Variants in LHX6 observed in about 807,000 individuals in gnomAD.
The protein encoded by LHX6 is LIM/homeobox protein Lhx6.
LHX6 carries 15 observed loss-of-function variants against 47.1 expected under a neutral mutation model. That is an observed-to-expected ratio of 0.32 (90% CI 0.21 to 0.49). The LOEUF is 0.49. LHX6 is among the 20% of genes least tolerant of loss of function. The probability of loss-of-function intolerance (pLI) is 0.99; values close to 1 mark genes in which losing one functional copy is unlikely to be tolerated. For synonymous variants in LHX6, 242 were observed against 233.5 expected (o/e 1.04, Z -0.33); for missense variants, 404 against 539.6 (o/e 0.75, Z 2.49).
intron 4 of LHX6, among the ~76,000 whole-genome samples, chr9:122,225,124 G>T (rs182076161): frequency 3.9e-5 from 6 of 152,238 alleles, no homozygotes; most frequent in African/African-American, 1.4e-4. Context: ...GGAGGAGATC[G>T]CCTTCCACCA....
intron 4 of LHX6, chr9:122,221,602 T>A: frequency 1.0e-6 from 1 of 985,480 alleles, no homozygotes; most frequent in Non-Finnish European, 1.2e-6. Context: ...CAGTTAACCC[T>A]TTACTCCCCA....
At chr9:122,222,186 G>A (rs1345992062) in intron 4 of LHX6, among the ~76,000 whole-genome samples, 1 of 152,226 alleles carries the variant, frequency 6.6e-6, no homozygotes. Context: ...CAGCAGGCTG[G>A]GGGAGCCAGG....
At chr9:122,227,660 T>G (rs2118922269) in intron 1 of LHX6, 180 bp from the exon 2 acceptor site, 3 of 1,296,500 alleles carry the variant, frequency 2.3e-6, no homozygotes, top group Non-Finnish European at 3.0e-6. Flanking sequence ...TGAAGCAATT[T>G]GAATTTGGAT....
rs575050710 is a variant in LHX6, at chr9:122,205,490, A to T, written c.1159-710T>A. Among the ~76,000 whole-genome samples the T allele has an allele frequency of 1.9e-3, 283 of 152,284 alleles. 1 individual carries two copies. Among genetic ancestry groups the T allele is most frequent in the African/African-American group, 6.5e-3 (269 of 41,574 alleles). On this transcript the variant is annotated intron_variant, in intron 9 of 9. Transcript: ENST00000394319. ...CTTGGTTGACATCTCACTGCTGCTGACACAGCCAGTTCCCTGAAGTTCAGG... is the reference window on the plus strand; with the variant it reads ...CTTGGTTGACATCTCACTGCTGCTGTCACAGCCAGTTCCCTGAAGTTCAGG...
In LHX6 at chr9:122,228,954, C is replaced by G. The variant is rs180906199; in HGVS notation, c.-214G>C. 5 of 181,102 alleles carry G rather than the reference C, an allele frequency of 2.8e-5. No individual in the cohort carries two copies. Among genetic ancestry groups the G allele is most frequent in the South Asian group, 1.7e-4 (1 of 5,920 alleles). 11.2% of individuals were successfully genotyped at this position (181,102 alleles called of 1,614,324 possible). ...CCGCCGCTGCCTCGGAAGAAGGTCC[C>G]GACAAACTTGGAGAGGCCCCCGCCC... On this transcript the variant is annotated 5_prime_UTR_variant, in exon 1 of 10. Transcript: ENST00000394319.
intron 4 of LHX6, among the ~76,000 whole-genome samples, chr9:122,224,016 T>G (rs543547874): frequency 2.0e-5 from 3 of 152,136 alleles, no homozygotes; most frequent in Non-Finnish European, 4.4e-5. Flanking sequence ...ATCTGGCATG[T>G]TTTTTTGTAT....
rs923174945 is a variant in LHX6 at position 122,228,767 on chromosome 9, G to A, written c.-27C>T. ...GGCCGGGGAACCTCGGGCTCAGCGG[G>A]CGCGCAGCGCGGAGAGCTGCGCCGA... On this transcript the variant is annotated 5_prime_UTR_variant, in exon 1 of 10. Coordinates refer to ENST00000394319, the MANE Select transcript of LHX6 (RefSeq NM_014368.5). The A allele has an allele frequency of 8.9e-6, 11 of 1,235,296 alleles. No homozygotes were observed. The highest frequency in any genetic ancestry group is 1.1e-5 in the Non-Finnish European group (11 of 984,952). The allele number at this position is 1,235,296 out of a possible 1,614,324, so 76.5% of individuals were successfully genotyped here.
Position 122,213,633 on chromosome 9 carries a change from T to G in LHX6, c.1027A>C (p.Met343Leu), listed in dbSNP as rs780731428. The stretch of plus-strand genomic sequence containing the variant: ...TCAATGTAGCCGTGCAGGGTGACCA[T>G]GCGCGCCCGCTCGGGGCTGCTGAAC... ...TPFSSPERARMVTLHGYIESQ... is the reference protein window; with the variant it reads ...TPFSSPERARLVTLHGYIESQ... Residue 343 changes from methionine (M) to leucine (L), a missense_variant, in exon 8 of 10, where the codon ATG (methionine) becomes CTG (leucine). Met to Leu is a conservative substitution (Grantham distance 15). Transcript: ENST00000394319. This position sits in a 1 kb window ranked among gnomAD's most constrained non-coding sequence, Gnocchi z 5.5. The G allele has an allele frequency of 6.2e-7, 1 of 1,606,468 alleles. No individual in the cohort carries two copies. The highest frequency in any genetic ancestry group is 8.5e-7 in the Non-Finnish European group (1 of 1,176,944).
At chr9:122,212,752 C>T (rs955190444) in intron 8 of LHX6, among the ~76,000 whole-genome samples, 1 of 152,202 alleles carries the variant, frequency 6.6e-6, no homozygotes, top group Non-Finnish European at 1.5e-5. Context: ...GACATGCCTG[C>T]TCCCTCCCTG....
At chr9:122,225,059 C>G (rs1275659596) in intron 4 of LHX6, among the ~76,000 whole-genome samples, 3 of 152,184 alleles carry the variant, frequency 2.0e-5, no homozygotes, top group Non-Finnish European at 2.9e-5. Context: ...CCAACCTCCC[C>G]CTAGACTCAA....
chr9:122,228,930 C>A lies in LHX6; in HGVS notation c.-190G>T. ...CAGCCCCGGCCTCCCTGGCTGCTGC[C>A]GCCGCTGCCTCGGAAGAAGGTCCCG... is the stretch of plus-strand genomic sequence containing the variant. On this transcript the variant is annotated 5_prime_UTR_variant, in exon 1 of 10. Coordinates refer to ENST00000394319, the MANE Select transcript of LHX6 (RefSeq NM_014368.5). The A allele has an allele frequency of 4.9e-6, 1 of 203,018 alleles. No individual in the cohort carries two copies. The allele number at this position is 203,018 out of a possible 1,614,324, so 12.6% of individuals were successfully genotyped here.
At chr9:122,221,178 C>T (rs1050963709) in intron 4 of LHX6, 2 of 985,310 alleles carry the variant, frequency 2.0e-6, no homozygotes, top group Admixed American at 6.2e-5. Context: ...CCTATTCTCT[C>T]TGCTCCTTCC....
rs1436208818 is a variant in LHX6, at chr9:122,213,706, G to C, written c.954C>G (p.Pro318=). 4 of 1,612,622 alleles carry C rather than the reference G, an allele frequency of 2.5e-6. No individual in the cohort carries two copies. The highest frequency in any genetic ancestry group is 3.4e-6 in the Non-Finnish European group (4 of 1,179,708). ...ACAGGGCGGAGGGAAGGCGGGACGG[G>C]GGCGCCCCCGAGGGCGGCACTGGGT... ...PQHPVPPSGA[P]PSRLPSALSD... The change falls in exon 8 of 10, where the codon CCC becomes CCG. Residue 318 remains proline (P), a synonymous_variant. Transcript: ENST00000394319. This position sits in a 1 kb window ranked among gnomAD's most constrained non-coding sequence, Gnocchi z 5.5.
rs1012107945 is a variant in LHX6, at chr9:122,214,231, G to A, written c.783+52C>T. ...GGAGCCAGGAGACATTGTCGGCCCC[G>A]CCCACTTTCGGCCCGGCCCCCGCCC... On this transcript the variant is annotated intron_variant, in intron 6 of 9. Coordinates refer to ENST00000394319, the MANE Select transcript of LHX6 (RefSeq NM_014368.5). This position sits in a 1 kb window ranked among gnomAD's most constrained non-coding sequence, Gnocchi z 4.6. 2 of 929,316 alleles carry A rather than the reference G, an allele frequency of 2.2e-6. No homozygotes were observed. The highest frequency in any genetic ancestry group is 3.0e-6 in the Non-Finnish European group (2 of 669,350). The allele number at this position is 929,316 out of a possible 1,614,324, so 57.6% of individuals were successfully genotyped here. A position where few individuals can be genotyped will look rare whatever the true frequency, so the allele number is the denominator to read the frequency against.
At position 122,226,796 on chromosome 9, in the gene LHX6, C is replaced by G; in HGVS notation, c.339+52G>C. The G allele has an allele frequency of 1.3e-6, 2 of 1,524,732 alleles. No homozygotes were observed. Among genetic ancestry groups the G allele is most frequent in the Non-Finnish European group, 1.8e-6 (2 of 1,130,138 alleles). The allele number at this position is 1,524,732 out of a possible 1,614,324, so 94.5% of individuals were successfully genotyped here. On this transcript the variant is annotated intron_variant, in intron 3 of 9. Transcript: ENST00000394319. This position sits in a 1 kb window ranked among gnomAD's most constrained non-coding sequence, Gnocchi z 6.5. ...TGCGGTGCTTCCCTGCAGTCTCCTG[C>G]GCTGCGTCCCACGCCCCGACAACAC...
At position 122,228,715 on chromosome 9, in the gene LHX6, GC is replaced by G; in HGVS notation, c.25del (p.Ala9ProfsTer21). The G allele has an allele frequency of 7.7e-7, 1 of 1,292,644 alleles. No individual in the cohort carries two copies. The highest frequency in any genetic ancestry group is 9.8e-7 in the Non-Finnish European group (1 of 1,019,172). 80.1% of individuals were successfully genotyped at this position (1,292,644 alleles called of 1,614,324 possible). A position where few individuals can be genotyped will look rare whatever the true frequency, so the allele number is the denominator to read the frequency against. The stretch of plus-strand genomic sequence containing the variant: ...CCGGCAGCCCTCGGGCAACGCCGGG[GC>G]GGCGTTCTCATGCTTCCAGTACATG... MYWKHENA[A>X]PALPEGCRLP... On this transcript the variant is annotated frameshift_variant, in exon 1 of 10. Coordinates refer to ENST00000394319, the MANE Select transcript of LHX6 (RefSeq NM_014368.5). LOFTEE classifies it high-confidence loss of function.
intron 4 of LHX6, among the ~76,000 whole-genome samples, chr9:122,224,791 G>A (rs536368984): frequency 2.6e-5 from 4 of 152,054 alleles, no homozygotes; most frequent in South Asian, 2.1e-4. Flanking sequence ...AAAGACAAAC[G>A]TTGGTCCATA....
chr9:122,214,527 G>T lies in LHX6; in HGVS notation c.683-144C>A. ...CAGGGATCCCAGGGTCCTAGTCCCTGAGCTCAGTCTTTGGGGAAGGGGTTT... is the reference window on the plus strand; with the variant it reads ...CAGGGATCCCAGGGTCCTAGTCCCTTAGCTCAGTCTTTGGGGAAGGGGTTT... On this transcript the variant is annotated intron_variant, in intron 5 of 9. Coordinates refer to ENST00000394319, the MANE Select transcript of LHX6 (RefSeq NM_014368.5). This position sits in a 1 kb window ranked among gnomAD's most constrained non-coding sequence, Gnocchi z 4.6. The T allele has an allele frequency of 8.3e-7, 1 of 1,202,134 alleles. No individual in the cohort carries two copies. Among genetic ancestry groups the T allele is most frequent in the Non-Finnish European group, 1.1e-6 (1 of 910,540 alleles). The allele number at this position is 1,202,134 out of a possible 1,614,324, so 74.5% of individuals were successfully genotyped here.
Position 122,228,708 on chromosome 9 carries a change from C to A in LHX6, c.33G>T (p.Ala11=), listed in dbSNP as rs745966328. 1 of 1,290,286 alleles carries A rather than the reference C, an allele frequency of 7.8e-7. No individual in the cohort carries two copies. The highest frequency in any genetic ancestry group is 9.8e-7 in the Non-Finnish European group (1 of 1,018,168). The allele number at this position is 1,290,286 out of a possible 1,614,324, so 79.9% of individuals were successfully genotyped here. MYWKHENAAP[A]LPEGCRLPAE... is the part of the protein sequence containing the mutation. ...CCGGCAGCCGGCAGCCCTCGGGCAA[C>A]GCCGGGGCGGCGTTCTCATGCTTCC... Residue 11 remains alanine, a synonymous_variant, in exon 1 of 10, where the codon GCG becomes GCT. Coordinates refer to ENST00000394319, the MANE Select transcript of LHX6 (RefSeq NM_014368.5).
Sources: allele counts gnomAD v4.1 joint callset (sites outside exome capture counted in the v4.1 genomes callset), GRCh38; gene constraint gnomAD v4.1.1; non-coding constraint Gnocchi (gnomAD v3.1); transcripts MANE v1.5; gene names NCBI Gene and HGNC (gene_info 2026-07-23, HGNC 2026-07-21).